Variants in TMEM117 observed in about 807,000 individuals in gnomAD.
TMEM117 encodes transmembrane protein 117.
In TMEM117, 27 loss-of-function variants were observed where a neutral mutation model predicts 52.4. The ratio of observed to expected loss-of-function variants is 0.51; its 90% CI spans 0.38 to 0.71. The LOEUF (loss-of-function observed/expected upper bound fraction) is 0.71. TMEM117 is among the 30% of genes least tolerant of loss of function. The probability of loss-of-function intolerance (pLI) is 0.00; values close to 1 mark genes in which losing one functional copy is unlikely to be tolerated. For missense variants in TMEM117, 556 were observed against 630.5 expected (o/e 0.88, Z 1.26); for synonymous variants, 215 against 206.3 (o/e 1.04, Z -0.36).
chr12:44,144,000 G>T (rs1948606968), intron 4 of TMEM117, among the ~76,000 whole-genome samples: 1 of 152,106 alleles, frequency 6.6e-6, no homozygotes, highest in Non-Finnish European at 1.5e-5. Context: ...TTTTCTTAAG[G>T]CATGTACAAT....
chr12:43,801,717 C>A, the TMEM117 span, among the ~76,000 whole-genome samples: 1 of 152,074 alleles, frequency 6.6e-6, no homozygotes, highest in African/African-American at 2.4e-5. Flanking sequence ...TTCAGAGGCC[C>A]ATGGAGTCAT....
At chr12:43,914,667 A>C (rs547372873) in intron 2 of TMEM117, among the ~76,000 whole-genome samples, 1 of 152,198 alleles carries the variant, frequency 6.6e-6, no homozygotes, top group South Asian at 2.1e-4. Flanking sequence ...GTGAGATTTC[A>C]TGGTAGCCGT....
intron 6 of TMEM117, chr12:44,376,314 G>C (rs1951940086): frequency 2.5e-6 from 1 of 394,928 alleles, no homozygotes; most frequent in African/African-American, 2.1e-5. Context: ...CAGAATGAAA[G>C]AGATAAACAT....
intron 5 of TMEM117, among the ~76,000 whole-genome samples, chr12:44,247,234 C>T (rs10450805): frequency 4.6e-5 from 7 of 152,232 alleles, no homozygotes; most frequent in Admixed American, 3.3e-4. Context: ...CTCTCAAAAG[C>T]GAAGTCTGTA....
intron 3 of TMEM117, among the ~76,000 whole-genome samples, chr12:44,074,059 A>G (rs1193082625): frequency 2.0e-5 from 3 of 152,208 alleles, no homozygotes; most frequent in Non-Finnish European, 4.4e-5. Context: ...GAAGTTTTTA[A>G]TCAACCTTTG....
At chr12:44,271,867 A>C (rs192459967) in intron 5 of TMEM117, among the ~76,000 whole-genome samples, 39 of 152,248 alleles carry the variant, frequency 2.6e-4, no homozygotes, top group Non-Finnish European at 2.9e-5. Flanking sequence ...GAAATATATA[A>C]GAAACTCACA....
intron 3 of TMEM117, among the ~76,000 whole-genome samples, chr12:44,086,449 T>G (rs1316196306): frequency 2.6e-5 from 4 of 152,100 alleles, no homozygotes; most frequent in African/African-American, 9.7e-5. Flanking sequence ...TCTCCTGACC[T>G]CGTGATCCGC....
intron 3 of TMEM117, among the ~76,000 whole-genome samples, chr12:44,031,426 C>G (rs2137869419): frequency 6.6e-6 from 1 of 152,206 alleles, no homozygotes; most frequent in Admixed American, 6.5e-5. Flanking sequence ...AGGTATAGGA[C>G]TTCGACAGGT....
intron 6 of TMEM117, among the ~76,000 whole-genome samples, chr12:44,321,215 C>T (rs539166777): frequency 3.6e-4 from 55 of 152,238 alleles, no homozygotes; most frequent in African/African-American, 1.1e-3. Context: ...TGATGTAATT[C>T]ACTTTTCATA....
intron 5 of TMEM117, among the ~76,000 whole-genome samples, chr12:44,232,855 C>T (rs530239333): frequency 2.6e-4 from 40 of 151,068 alleles, no homozygotes; most frequent in African/African-American, 8.9e-4. Context: ...TCTCAATAGA[C>T]GTGTTTGAAA....
At chr12:44,161,101 T>C (rs1295682563) in intron 4 of TMEM117, among the ~76,000 whole-genome samples, 2 of 152,196 alleles carry the variant, frequency 1.3e-5, no homozygotes, top group African/African-American at 2.4e-5. Context: ...TCAGGGATAT[T>C]GAGTAACATC....
At chr12:43,806,459 G>A in the TMEM117 span, 6 of 1,005,694 alleles carry the variant, frequency 6.0e-6, no homozygotes, top group South Asian at 2.4e-4. Flanking sequence ...CCCCGGCCTC[G>A]CTATCCTAGT....
intron 6 of TMEM117, among the ~76,000 whole-genome samples, chr12:44,358,782 G>C (rs562584174): frequency 6.6e-6 from 1 of 152,190 alleles, no homozygotes; most frequent in African/African-American, 2.4e-5. Context: ...GGTACTTCAA[G>C]TGCCAGGAGG....
At position 44,308,041 on chromosome 12, in the gene TMEM117, C is replaced by T. The variant is rs141158876; in HGVS notation, c.768+8302C>T. On this transcript the variant is annotated intron_variant, in intron 6 of 7. Coordinates refer to ENST00000266534, the MANE Select transcript of TMEM117 (RefSeq NM_032256.3). ...ATTATCGTGAGCGGGAGAGATCACT[C>T]AGGTTTTTATGTATAACATGGAAAG... Among the ~76,000 whole-genome samples the T allele has an allele frequency of 1.1e-3, 161 of 152,228 alleles. 1 individual carries two copies. Among genetic ancestry groups the T allele is most frequent in the African/African-American group, 3.6e-3 (151 of 41,546 alleles).
At chr12:43,920,769 T>C (rs1168532219) in intron 2 of TMEM117, among the ~76,000 whole-genome samples, 3 of 152,096 alleles carry the variant, frequency 2.0e-5, no homozygotes, top group Non-Finnish European at 4.4e-5. Context: ...ATCCATCCTT[T>C]AAAATGTGGA....
chr12:44,316,204 A>G (rs1290470479), intron 6 of TMEM117, among the ~76,000 whole-genome samples: 5 of 152,100 alleles, frequency 3.3e-5, no homozygotes, highest in Non-Finnish European at 5.9e-5. Context: ...GGTAGCAGGT[A>G]TTGTTATTTT....
At chr12:44,132,328 C>T (rs920666669) in intron 3 of TMEM117, among the ~76,000 whole-genome samples, 2 of 151,928 alleles carry the variant, frequency 1.3e-5, no homozygotes, top group Non-Finnish European at 2.9e-5. Flanking sequence ...GTACCTCATT[C>T]CAGGCTTGAA....
intron 5 of TMEM117, among the ~76,000 whole-genome samples, chr12:44,239,904 G>A (rs1950041701): frequency 6.6e-6 from 1 of 151,906 alleles, no homozygotes; most frequent in Admixed American, 6.6e-5. Context: ...CAGTTGTAAA[G>A]ATCATTTTTG....
intron 2 of TMEM117, among the ~76,000 whole-genome samples, chr12:43,918,675 G>C (rs981767277): frequency 6.6e-6 from 1 of 152,130 alleles, no homozygotes; most frequent in African/African-American, 2.4e-5. Flanking sequence ...CTTCCAGTGG[G>C]TCTTGTTAGC....
Sources: gnomAD v4.1 joint callset for allele counts (sites outside exome capture counted in the v4.1 genomes callset) on GRCh38, gnomAD v4.1.1 for gene constraint, MANE v1.5 for transcripts, NCBI Gene and HGNC (gene_info 2026-07-23, HGNC 2026-07-21) for gene names.